TBXAS1: variants seen among roughly 807,000 people sequenced by gnomAD.
The protein encoded by TBXAS1 is thromboxane A synthase 1.
A neutral mutation model predicts 60.7 loss-of-function variants in TBXAS1; 48 were observed. The ratio of observed to expected loss-of-function variants is 0.79; its 90% CI spans 0.63 to 1.01. TBXAS1 has a LOEUF of 1.01. Ranked by LOEUF, TBXAS1 falls within the 50% of genes least tolerant of loss-of-function variation. TBXAS1 has a pLI of 0.00. For synonymous variants in TBXAS1, 287 were observed against 269.7 expected (o/e 1.06, Z -0.63); for missense variants, 685 against 686.3 (o/e 1.00, Z 0.02).
chr7:139,816,271 C>G (rs1382663565), intron 4 of TBXAS1, among the ~76,000 whole-genome samples: 1 of 152,154 alleles, frequency 6.6e-6, no homozygotes, highest in Admixed American at 6.5e-5. Context: ...AGTAGTATCT[C>G]TAGAGCCGTG....
chr7:139,933,417 G>A (rs1191660051), intron 4 of TBXAS1, among the ~76,000 whole-genome samples: 2 of 152,092 alleles, frequency 1.3e-5, no homozygotes, highest in African/African-American at 4.8e-5. Context: ...TGTGCCACAG[G>A]ACTGCATCTT....
At chr7:139,784,011 G>GTTTTTTTTT (rs11340240) in intron 3 of TBXAS1, among the ~76,000 whole-genome samples, 31 of 132,058 alleles carry the variant, frequency 2.3e-4, no homozygotes, top group South Asian at 4.9e-4. Flanking sequence ...AGTTTTTTTT[G>GTTTTTTTTT]TTTTTTTTTT....
Position 139,931,358 on chromosome 7 carries a change from C to T in TBXAS1, c.334-4833C>T, listed in dbSNP as rs75146856. Among the ~76,000 whole-genome samples the T allele has an allele frequency of 3.5e-3, 533 of 152,308 alleles. 3 individuals are homozygous for T. The highest frequency in any genetic ancestry group is 0.012 in the African/African-American group (501 of 41,568). On this transcript the variant is annotated intron_variant, in intron 4 of 12. Transcript: ENST00000448866. ...GACAGGAGCCTCGAAAGCTGTGTCC[C>T]TGGACCTCCTTTCTGCAGAGTCCCC...
rs1038850635 is a variant in TBXAS1 at position 139,843,635 on chromosome 7, G to A, written c.89+14156G>A. On this transcript the variant is annotated intron_variant, in intron 1 of 12. Transcript: ENST00000448866. ...TGGGATTACAGGCATGAGCCACAGT[G>A]CCCGGCCCACTTTATTTTATAGCTT... Among the ~76,000 whole-genome samples, 11 of 152,152 alleles carry A rather than the reference G, an allele frequency of 7.2e-5. No individual in the cohort carries two copies. The South Asian group carries it at 1.4e-3, about 20-fold the overall frequency.
At chr7:139,856,872 G>A (rs77118099) in intron 1 of TBXAS1, among the ~76,000 whole-genome samples, 5,553 of 152,280 alleles carry the variant, frequency 0.036, 309 homozygotes, top group African/African-American at 0.13. Context: ...GTCAGCGGTG[G>A]AGGCTTTTAA....
chr7:139,867,816 C>G (rs112065200), intron 1 of TBXAS1, among the ~76,000 whole-genome samples: 5 of 138,838 alleles, frequency 3.6e-5, no homozygotes, highest in African/African-American at 1.4e-4. Context: ...GACTCTGCCT[C>G]GAAAATAAAT....
rs559309565 is a variant in TBXAS1, at chr7:139,955,620, G to A, written c.688+13G>A. On this transcript the variant is annotated intron_variant, in intron 7 of 12. Coordinates refer to ENST00000448866, the MANE Select transcript of TBXAS1 (RefSeq NM_001061.7). ...CTGGTTTTACTCTGTAAGTGCGGCT[G>A]CAGCCCGGGGCGCTGCGATGACTCC... The A allele has an allele frequency of 5.0e-6, 8 of 1,613,752 alleles. 1 individual carries two copies. In the South Asian group the frequency reaches 6.6e-5, roughly 13 times the overall value.
chr7:139,815,292 G>A lies in TBXAS1; in HGVS notation c.-79-14020G>A, dbSNP rs536740605. ...CAGGGTGCTCTGCAAAGCAGCCAGT[G>A]GGCAGAGGAGCCTCCATGGAGCTCC... is the stretch of plus-strand genomic sequence containing the variant. On this transcript the variant is annotated intron_variant, in intron 4 of 16. Transcript: ENST00000336425. Among the ~76,000 whole-genome samples the A allele has an allele frequency of 2.0e-5, 3 of 152,318 alleles. No individual in the cohort carries two copies. The South Asian group carries it at 6.2e-4, about 32-fold the overall frequency.
In TBXAS1 at chr7:139,799,594, G is replaced by T. The variant is rs578257481; in HGVS notation, c.-80+12168G>T. Among the ~76,000 whole-genome samples the T allele has an allele frequency of 7.9e-5, 12 of 152,214 alleles. No homozygotes were observed. In the South Asian group the frequency reaches 2.5e-3, roughly 32 times the overall value. ...TAGTCTTGAACTTCTGAGCTCAAAA[G>T]ATACACCCCCCTTTGGCTTCCCAAA... On this transcript the variant is annotated intron_variant, in intron 4 of 16. Coordinates refer to the TBXAS1 transcript ENST00000336425.
Position 140,020,073 on chromosome 7 carries a change from G to T in TBXAS1, c.1576G>T (p.Val526Phe). 1 of 1,613,386 alleles carries T rather than the reference G, an allele frequency of 6.2e-7. No individual in the cohort carries two copies. Among genetic ancestry groups the T allele is most frequent in the African/African-American group, 1.3e-5 (1 of 74,854 alleles). Reference sequence around the variant, plus strand: ...ATCTGCCCTAGGTCCAAAAAATGGTGTCTATATCAAGATCGTATCCCGCTG... The same window carrying T: ...ATCTGCCCTAGGTCCAAAAAATGGTTTCTATATCAAGATCGTATCCCGCTG... ...SKSALGPKNG[V>F]YIKIVSR Residue 526 changes from valine to phenylalanine, a missense_variant, in exon 13 of 13, where the codon GTC becomes TTC. Val to Phe is a conservative substitution (Grantham distance 50). Coordinates refer to ENST00000448866, the MANE Select transcript of TBXAS1 (RefSeq NM_001061.7).
intron 9 of TBXAS1, among the ~76,000 whole-genome samples, chr7:139,966,914 G>A (rs1208058847): frequency 1.3e-5 from 2 of 152,168 alleles, no homozygotes; most frequent in African/African-American, 4.8e-5. Context: ...CAGGAGTGGG[G>A]CCTGTGAACG....
At chr7:139,936,087 G>A in intron 4 of TBXAS1, 104 bp from the exon 5 acceptor site, 1 of 1,002,162 alleles carries the variant, frequency 1.0e-6, no homozygotes, top group East Asian at 2.4e-5. Flanking sequence ...TAACTTGTTG[G>A]CCACTGATGG....
chr7:140,001,436 G>C lies in TBXAS1; in HGVS notation c.1135-5655G>C, dbSNP rs146740044. 2.4e-3 allele frequency among the ~76,000 whole-genome samples: 363 copies of C among 152,292 alleles called. 1 individual carries two copies. The highest frequency in any genetic ancestry group is 8.4e-3 in the African/African-American group (348 of 41,568). On this transcript the variant is annotated intron_variant, in intron 9 of 12. Coordinates refer to ENST00000448866, the MANE Select transcript of TBXAS1 (RefSeq NM_001061.7). ...AGGTGTGCCAAGGGCCTGTCACCCAGGCTGTAGTGCAGTGGCACTATCTCG... is the reference window on the plus strand; with the variant it reads ...AGGTGTGCCAAGGGCCTGTCACCCACGCTGTAGTGCAGTGGCACTATCTCG...
upstream of TBXAS1, among the ~76,000 whole-genome samples, chr7:139,828,283 T>C (rs1329484836): frequency 6.6e-6 from 1 of 152,252 alleles, no homozygotes; most frequent in Admixed American, 6.5e-5. Flanking sequence ...GCTGAGACTT[T>C]CCAGAGCATT....
In TBXAS1 at chr7:139,969,404, T is replaced by G. The variant is rs527950511; in HGVS notation, c.1134+7171T>G. 6.4e-4 allele frequency among the ~76,000 whole-genome samples: 95 copies of G among 147,612 alleles called. 1 individual carries two copies. The highest frequency in any genetic ancestry group is 1.2e-3 in the Non-Finnish European group (79 of 67,700). ...CTGTGTGAGCAAGGTTGAGGATTTG[T>G]TCCTTGAAGCAGTCAGAGGATCTCC... On this transcript the variant is annotated intron_variant, in intron 9 of 12. Transcript: ENST00000448866.
chr7:140,009,550 C>G (rs1301333618), intron 10 of TBXAS1, among the ~76,000 whole-genome samples: 2 of 151,342 alleles, frequency 1.3e-5, no homozygotes, highest in Non-Finnish European at 2.9e-5. Flanking sequence ...CTGAGCCGCC[C>G]CTTCCCCACA....
At chr7:139,812,972 G>A (rs1035862924) in intron 4 of TBXAS1, among the ~76,000 whole-genome samples, 14 of 152,072 alleles carry the variant, frequency 9.2e-5, no homozygotes, top group East Asian at 5.8e-4. Context: ...CAGGAGAATC[G>A]CTTGAACCGG....
intron 9 of TBXAS1, among the ~76,000 whole-genome samples, chr7:140,003,590 C>G (rs1310134979): frequency 6.6e-6 from 1 of 152,066 alleles, no homozygotes; most frequent in Non-Finnish European, 1.5e-5. Flanking sequence ...CTTTGATTTT[C>G]TAATACAAAA....
rs1403720606 is a variant in TBXAS1 at position 139,975,473 on chromosome 7, C to A, written c.1134+13240C>A. Reference sequence around the variant, plus strand: ...TCAGCGCTCTGCTGTTCTTGCCTGACCAAGTGGATCAATGGTGGCTCTGGC... The same window carrying A: ...TCAGCGCTCTGCTGTTCTTGCCTGAACAAGTGGATCAATGGTGGCTCTGGC... On this transcript the variant is annotated intron_variant, in intron 9 of 12. Transcript: ENST00000448866. This position sits in a 1 kb window ranked among gnomAD's most constrained non-coding sequence, Gnocchi z 4.4. 6.8e-6 allele frequency among the ~76,000 whole-genome samples: 1 copy of A among 147,742 alleles called. No individual in the cohort carries two copies. Among genetic ancestry groups the A allele is most frequent in the Non-Finnish European group, 1.5e-5 (1 of 66,550 alleles).
Sources: gnomAD v4.1 joint callset for allele counts (sites outside exome capture counted in the v4.1 genomes callset) on GRCh38, gnomAD v4.1.1 for gene constraint, Gnocchi (gnomAD v3.1) non-coding constraint, MANE v1.5 for transcripts, NCBI Gene and HGNC (gene_info 2026-07-23, HGNC 2026-07-21) for gene names.